Variants in SUZ12 observed in about 807,000 individuals in gnomAD.
SUZ12 encodes the protein SUZ12 polycomb repressive complex 2 subunit, also known as polycomb protein SUZ12.
Under a neutral mutation model 87.3 loss-of-function variants are expected in SUZ12, and 17 were observed. The ratio of observed to expected loss-of-function variants is 0.19; its 90% confidence interval spans 0.13 to 0.29. The LOEUF is 0.29. SUZ12 is among the 10% of genes least tolerant of loss of function. The pLI is 1.00. For synonymous variants in SUZ12, 253 were observed against 312.4 expected (o/e 0.81, Z 2.01); for missense variants, 526 against 912.2 (o/e 0.58, Z 5.45).
In SUZ12 at chr17:31,993,921, C is replaced by T. The variant is rs1489979517; in HGVS notation, c.1350C>T (p.Cys450=). The T allele has an allele frequency of 6.2e-7, 1 of 1,613,596 alleles. No individual in the cohort carries two copies. Among genetic ancestry groups the T allele is most frequent in the Admixed American group, 1.7e-5 (1 of 59,964 alleles). Residue 450 remains cysteine (C), a synonymous_variant, in exon 12 of 16, where the codon TGC becomes TGT. Transcript: ENST00000322652. Reference sequence around the variant, plus strand: ...CTGAAGCAAGAGATGACCTGCATTGCCCTTGGTGTACTCTGAACTGCCGCA... The same window carrying T: ...CTGAAGCAAGAGATGACCTGCATTGTCCTTGGTGTACTCTGAACTGCCGCA... The part of the protein sequence containing the change: ...QQTEARDDLH[C]PWCTLNCRKL...
At chr17:31,995,491 C>T in intron 13 of SUZ12, 73 bp from the exon 14 acceptor site, 2 of 1,244,020 alleles carry the variant, frequency 1.6e-6, no homozygotes, top group Admixed American at 3.6e-5. Flanking sequence ...TATCACAGAT[C>T]TCAACTCCTA....
chr17:31,976,329 T>C (rs1245711458), intron 7 of SUZ12, among the ~76,000 whole-genome samples, 192 bp from the exon 8 acceptor site: 3 of 152,230 alleles, frequency 2.0e-5, no homozygotes, highest in South Asian at 2.1e-4. Flanking sequence ...GTGGGGTTAA[T>C]GTTGTGATTG....
intron 10 of SUZ12, among the ~76,000 whole-genome samples, chr17:31,992,119 C>T (rs1004512956): frequency 6.6e-6 from 1 of 151,626 alleles, no homozygotes; most frequent in Admixed American, 6.6e-5. Flanking sequence ...TGGTGAAACC[C>T]TGTCTCTACT....
intron 4 of SUZ12, among the ~76,000 whole-genome samples, chr17:31,957,626 G>T (rs1473223665): frequency 6.6e-6 from 1 of 151,670 alleles, no homozygotes; most frequent in African/African-American, 2.4e-5. Flanking sequence ...GAGCAGACTG[G>T]TCTCGAATTC....
intron 9 of SUZ12, among the ~76,000 whole-genome samples, chr17:31,988,076 A>G (rs566872177): frequency 1.3e-5 from 2 of 152,302 alleles, no homozygotes; most frequent in African/African-American, 2.4e-5. Context: ...CATGGCAACA[A>G]TTCACCTGTT....
chr17:31,940,016 C>G (rs1049583307), intron 1 of SUZ12, among the ~76,000 whole-genome samples: 1 of 152,140 alleles, frequency 6.6e-6, no homozygotes, highest in Non-Finnish European at 1.5e-5. Context: ...TGCTCGGTAA[C>G]AATAACTATC....
rs534957859 is a variant in SUZ12, at chr17:31,978,418, A to G, written c.917+1804A>G. On this transcript the variant is annotated intron_variant, in intron 8 of 15. Transcript: ENST00000322652. ...GAGATGAGGTTTCACCATGTTGGCC[A>G]GGCTGGTCTGGAGCTCCTGACCTCA... is the stretch of plus-strand genomic sequence containing the variant. Among the ~76,000 whole-genome samples the G allele has an allele frequency of 4.6e-5, 7 of 152,212 alleles. No homozygotes were observed. In the East Asian group the frequency reaches 1.2e-3, roughly 25 times the overall value.
chr17:31,946,221 A>T (rs988911243), intron 3 of SUZ12, among the ~76,000 whole-genome samples: 1 of 152,198 alleles, frequency 6.6e-6, no homozygotes, highest in Non-Finnish European at 1.5e-5. Context: ...TAATTTTTAC[A>T]GTAGTTGAAT....
At chr17:31,944,629 A>G (rs1164666496) in intron 3 of SUZ12, among the ~76,000 whole-genome samples, 2 of 152,152 alleles carry the variant, frequency 1.3e-5, no homozygotes, top group East Asian at 3.8e-4. Context: ...CCAGCCAAGA[A>G]GCAAATTTAA....
intron 9 of SUZ12, among the ~76,000 whole-genome samples, chr17:31,984,213 C>CAT (rs1909282468): frequency 6.6e-6 from 1 of 152,136 alleles, no homozygotes; most frequent in African/African-American, 2.4e-5. Flanking sequence ...ATCATTCAAG[C>CAT]ATATCATTCA....
chr17:31,937,162 C>CT lies in SUZ12; in HGVS notation c.-84dup, dbSNP rs1436420391. The CT allele has an allele frequency of 8.2e-7, 1 of 1,224,026 alleles. No individual in the cohort carries two copies. The highest frequency in any genetic ancestry group is 1.1e-6 in the Non-Finnish European group (1 of 943,596). The allele number at this position is 1,224,026 out of a possible 1,614,324, so 75.8% of individuals were successfully genotyped here. A position where few individuals can be genotyped will look rare whatever the true frequency, so the allele number is the denominator to read the frequency against. On this transcript the variant is annotated 5_prime_UTR_variant, in exon 1 of 16. Coordinates refer to ENST00000322652, the MANE Select transcript of SUZ12 (RefSeq NM_015355.4). ...TCCCCCCTCGGTCCGCCGGAGCCTG[C>CT]TGGGGCGAGCGGTTGGTATTGCAGG...
intron 1 of SUZ12, among the ~76,000 whole-genome samples, chr17:31,939,561 T>C (rs1004499678): frequency 6.6e-6 from 1 of 151,984 alleles, no homozygotes; most frequent in African/African-American, 2.4e-5. Flanking sequence ...TCGCTCTTTA[T>C]TGCCCAGGCT....
intron 5 of SUZ12, among the ~76,000 whole-genome samples, chr17:31,970,132 C>T (rs1908328943): frequency 2.6e-5 from 4 of 152,136 alleles, no homozygotes; most frequent in Admixed American, 2.6e-4. Context: ...CTTGAAACTG[C>T]TTCTTAGAAT....
intron 4 of SUZ12, among the ~76,000 whole-genome samples, chr17:31,955,151 C>A (rs1263226075): frequency 6.6e-6 from 1 of 152,062 alleles, no homozygotes; most frequent in African/African-American, 2.4e-5. Flanking sequence ...GCTGAGGTGG[C>A]AGTACAGTGG....
At chr17:31,987,713 C>G (rs985944264) in intron 9 of SUZ12, among the ~76,000 whole-genome samples, 1 of 152,032 alleles carries the variant, frequency 6.6e-6, no homozygotes, top group African/African-American at 2.4e-5. Context: ...GGCAAATCAC[C>G]TGAGGTCAGG....
chr17:31,945,498 T>C (rs1906585636), intron 3 of SUZ12, among the ~76,000 whole-genome samples: 1 of 152,210 alleles, frequency 6.6e-6, no homozygotes, highest in Non-Finnish European at 1.5e-5. Context: ...TGTGAGCTGT[T>C]TCTGAAGTCT....
At chr17:31,950,755 A>T (rs1906919179) in intron 4 of SUZ12, among the ~76,000 whole-genome samples, 1 of 152,126 alleles carries the variant, frequency 6.6e-6, no homozygotes, top group South Asian at 2.1e-4. Context: ...CTTAAATCGT[A>T]CACAAAAGTA....
At chr17:31,942,724 T>G (rs534901665) in intron 3 of SUZ12, among the ~76,000 whole-genome samples, 1 of 152,322 alleles carries the variant, frequency 6.6e-6, no homozygotes, top group East Asian at 1.9e-4. Context: ...AATCATTAGA[T>G]TTTAAAGTGG....
At chr17:31,995,238 TAC>T (rs2142216865) in intron 13 of SUZ12, among the ~76,000 whole-genome samples, 1 of 152,374 alleles carries the variant, frequency 6.6e-6, no homozygotes, top group African/African-American at 2.4e-5. Context: ...TGAGTTAGAA[TAC>T]ACAGTTTTGA....
Sources: gnomAD v4.1 joint callset for allele counts (sites outside exome capture counted in the v4.1 genomes callset) on GRCh38, gnomAD v4.1.1 for gene constraint, MANE v1.5 for transcripts, NCBI Gene and HGNC (gene_info 2026-07-23, HGNC 2026-07-21) for gene names.